Variants in POU6F2 observed in about 807,000 individuals in gnomAD.
POU6F2 encodes the protein POU class 6 homeobox 2.
In POU6F2, 31 loss-of-function variants were observed where a neutral mutation model predicts 71.3. The ratio of observed to expected loss-of-function variants is 0.43; its 90% CI spans 0.33 to 0.59. POU6F2 has a LOEUF of 0.59. Among genes scored for constraint, POU6F2 ranks in the 20% least tolerant of loss-of-function variants. POU6F2 has a pLI of 0.04. For missense variants in POU6F2, 783 were observed against 856.8 expected (o/e 0.91, Z 1.07); for synonymous variants, 347 against 355.7 (o/e 0.98, Z 0.27).
intron 1 of POU6F2, among the ~76,000 whole-genome samples, chr7:39,061,805 TC>T (rs1180000849): frequency 1.2e-4 from 19 of 152,272 alleles, no homozygotes; most frequent in Middle Eastern, 3.4e-3. Context: ...CATTCATTTT[TC>T]CCCAAAAAAG....
chr7:39,402,044 C>T (rs1478290136), intron 5 of POU6F2, among the ~76,000 whole-genome samples: 1 of 152,174 alleles, frequency 6.6e-6, no homozygotes, highest in South Asian at 2.1e-4. Flanking sequence ...ATATAATCAG[C>T]CCATTTGCAT....
At chr7:39,366,188 C>G (rs956941239) in intron 5 of POU6F2, among the ~76,000 whole-genome samples, 5 of 152,048 alleles carry the variant, frequency 3.3e-5, no homozygotes, top group African/African-American at 1.2e-4. Flanking sequence ...GCAGGAAAGG[C>G]CAGAGAGTGG....
At chr7:39,304,223 T>C (rs894353265) in intron 4 of POU6F2, among the ~76,000 whole-genome samples, 3 of 152,140 alleles carry the variant, frequency 2.0e-5, no homozygotes, top group Non-Finnish European at 4.4e-5. Flanking sequence ...ACCTTTAATA[T>C]ATAAAGAAAT....
At chr7:39,317,163 T>C (rs1207795474) in intron 4 of POU6F2, among the ~76,000 whole-genome samples, 1 of 152,208 alleles carries the variant, frequency 6.6e-6, no homozygotes. Context: ...AGGAAGTAAG[T>C]GTCGCTGAGC....
At chr7:39,286,598 A>G (rs1023680476) in intron 4 of POU6F2, among the ~76,000 whole-genome samples, 4 of 152,146 alleles carry the variant, frequency 2.6e-5, no homozygotes, top group African/African-American at 4.8e-5. Context: ...TGGACAGGTC[A>G]GATTGTTAGA....
intron 2 of POU6F2, among the ~76,000 whole-genome samples, chr7:39,167,162 A>G (rs576490145): frequency 7.9e-5 from 12 of 152,220 alleles, no homozygotes; most frequent in African/African-American, 2.4e-4. Context: ...AATATCTATA[A>G]GGTATATTAT....
intron 2 of POU6F2, among the ~76,000 whole-genome samples, chr7:39,109,121 C>T (rs1791752372): frequency 6.6e-6 from 1 of 152,190 alleles, no homozygotes; most frequent in African/African-American, 2.4e-5. Flanking sequence ...TCATGACTCA[C>T]TGCAGCCTCA....
In POU6F2 at chr7:39,464,780, A is replaced by G. The variant is rs1583625741; in HGVS notation, c.*94A>G. The G allele has an allele frequency of 7.3e-7, 1 of 1,366,556 alleles. No homozygotes were observed. Among genetic ancestry groups the G allele is most frequent in the African/African-American group, 1.5e-5 (1 of 68,136 alleles). 84.7% of individuals were successfully genotyped at this position (1,366,556 alleles called of 1,614,324 possible). The stretch of plus-strand genomic sequence containing the variant: ...AACAACAACAACAAAATTTAATTTA[A>G]TTTAAAAATAGCCCCAGTCGTCATC... On this transcript the variant is annotated 3_prime_UTR_variant, in exon 10 of 10. Transcript: ENST00000518318. This position sits in a 1 kb window ranked among gnomAD's most constrained non-coding sequence, Gnocchi z 4.1.
chr7:39,043,180 T>C (rs1419086372), intron 1 of POU6F2, among the ~76,000 whole-genome samples: 1 of 151,992 alleles, frequency 6.6e-6, no homozygotes, highest in East Asian at 1.9e-4. Context: ...TGCACATTAT[T>C]GTGTTTAACA....
chr7:39,360,001 G>A (rs1304051681), intron 5 of POU6F2, among the ~76,000 whole-genome samples: 1 of 152,178 alleles, frequency 6.6e-6, no homozygotes, highest in Non-Finnish European at 1.5e-5. Context: ...AGAAGCTGGA[G>A]AAATGATATC....
chr7:39,322,358 C>A (rs1785415411), intron 4 of POU6F2, among the ~76,000 whole-genome samples: 1 of 152,182 alleles, frequency 6.6e-6, no homozygotes, highest in South Asian at 2.1e-4. Context: ...ATCCTGCCAG[C>A]CCAGACATAC....
intron 4 of POU6F2, among the ~76,000 whole-genome samples, chr7:39,306,641 T>C (rs972322163): frequency 4.6e-5 from 7 of 152,198 alleles, no homozygotes; most frequent in African/African-American, 1.7e-4. Context: ...AGTCTCACTT[T>C]TGGGGTCACT....
intron 5 of POU6F2, among the ~76,000 whole-genome samples, chr7:39,400,816 AATC>A (rs753469377): frequency 6.6e-6 from 1 of 152,216 alleles, no homozygotes; most frequent in Non-Finnish European, 1.5e-5. Context: ...ACTATACCAA[AATC>A]ATGGGATTTT....
At chr7:38,995,110 T>G (rs777891916) in intron 1 of POU6F2, among the ~76,000 whole-genome samples, 1 of 152,238 alleles carries the variant, frequency 6.6e-6, no homozygotes, top group Admixed American at 6.5e-5. Context: ...CAGAGGTGTC[T>G]TCTTCATAGC....
intron 1 of POU6F2, among the ~76,000 whole-genome samples, chr7:39,064,726 T>C (rs1335090530): frequency 6.6e-6 from 1 of 151,720 alleles, no homozygotes; most frequent in East Asian, 1.9e-4. Context: ...GAGACACACC[T>C]AAAATAAGAC....
chr7:39,074,628 G>A (rs1277077970), intron 1 of POU6F2, among the ~76,000 whole-genome samples: 1 of 152,198 alleles, frequency 6.6e-6, no homozygotes, highest in Non-Finnish European at 1.5e-5. Context: ...TATTTGAAGT[G>A]TGTGGATATA....
At chr7:39,418,963 A>G (rs981225625) in intron 6 of POU6F2, among the ~76,000 whole-genome samples, 26 of 75,336 alleles carry the variant, frequency 3.5e-4, no homozygotes, top group East Asian at 1.5e-3. Flanking sequence ...ATGTATATAT[A>G]TGTGTATATA....
chr7:39,208,680 A>T (rs1385578062), intron 4 of POU6F2, among the ~76,000 whole-genome samples: 1 of 152,162 alleles, frequency 6.6e-6, no homozygotes, highest in Admixed American at 6.5e-5. Context: ...GTTTAAAACG[A>T]AGTCTCTCTT....
intron 5 of POU6F2, among the ~76,000 whole-genome samples, chr7:39,397,604 T>G (rs980295278): frequency 1.2e-4 from 18 of 148,662 alleles, no homozygotes; most frequent in Non-Finnish European, 2.7e-4. Flanking sequence ...GTAATTCTCC[T>G]GCCTCAGGCT....
Sources: gnomAD v4.1 joint callset for allele counts (sites outside exome capture counted in the v4.1 genomes callset) on GRCh38, gnomAD v4.1.1 for gene constraint, Gnocchi (gnomAD v3.1) non-coding constraint, MANE v1.5 for transcripts, NCBI Gene and HGNC (gene_info 2026-07-23, HGNC 2026-07-21) for gene names.